The following SH2B1 variants were observed in gnomAD, a reference collection of about 807,000 sequenced individuals.
SH2B1 encodes the protein SH2B adapter protein 1.
SH2B1 carries 15 observed loss-of-function variants against 62.6 expected under a neutral mutation model. That is an observed-to-expected ratio of 0.24 (90% CI 0.16 to 0.37). The LOEUF (loss-of-function observed/expected upper bound fraction) is 0.37, where lower values mean the gene tolerates loss of function less well. SH2B1 is among the 10% of genes least tolerant of loss of function. The pLI is 1.00. For synonymous variants in SH2B1, 443 were observed against 438.0 expected, an observed-to-expected ratio of 1.01 and a Z score of -0.14; for missense variants, 925 against 1,015.6, an observed-to-expected ratio of 0.91 and a Z score of 1.21.
In SH2B1 at chr16:28,865,706, G is replaced by A. The variant is rs1316065552; in HGVS notation, c.-389G>A. On this transcript the variant is annotated 5_prime_UTR_variant, in exon 1 of 8. The change creates a new upstream start codon in the 5' untranslated region. Coordinates refer to ENST00000684370, the MANE Select transcript of SH2B1 (RefSeq NM_001387430.1). ...TTGGAGGATCCGATGTAGAGGGGGG[G>A]TGATCTGGAAAAGTTCCCTTTTTTA... is the stretch of plus-strand genomic sequence containing the variant. The A allele has an allele frequency of 6.9e-6, 7 of 1,019,074 alleles. No individual in the cohort carries two copies. Among genetic ancestry groups the A allele is most frequent in the African/African-American group, 1.7e-5 (1 of 58,396 alleles). The allele number at this position is 1,019,074 out of a possible 1,614,324, so 63.1% of individuals were successfully genotyped here.
At chr16:28,853,136 T>TTATATAAATATATATAAATGTA (rs1962241907) in intron 1 of SH2B1, among the ~76,000 whole-genome samples, 1 of 130,824 alleles carries the variant, frequency 7.6e-6, no homozygotes, top group Non-Finnish European at 1.6e-5. Flanking sequence ...ATGTATACAT[T>TTATATAAATATATATAAATGTA]TATATAAATA....
Position 28,872,193 on chromosome 16 carries a change from C to A in SH2B1, c.1517C>A (p.Ser506Tyr). The A allele has an allele frequency of 1.2e-6, 2 of 1,612,454 alleles. No homozygotes were observed. The highest frequency in any genetic ancestry group is 1.7e-6 in the Non-Finnish European group (2 of 1,179,144). ...CCTCCCTCTCTCCTTCCTGAAGGGT[C>A]CTTCCTGTTCCAGGGGGAGCCAGAG... ...PLDTPETATG[S>Y]FLFQGEPEGG... is the part of the protein sequence containing the mutation. The change falls in exon 6 of 8, where the codon TCC becomes TAC. Residue 506 changes from serine to tyrosine, a missense_variant. This residue lies in a region of SH2B1 where 683 missense variants were observed against 704.0 expected (regional missense o/e 0.97). Coordinates refer to ENST00000684370, the MANE Select transcript of SH2B1 (RefSeq NM_001387430.1). The surrounding 1 kb of genome is among the most constrained non-coding windows in gnomAD (Gnocchi z 5.3).
At chr16:28,850,388 G>A (rs1962067260) in intron 1 of SH2B1, among the ~76,000 whole-genome samples, 1 of 152,124 alleles carries the variant, frequency 6.6e-6, no homozygotes. Context: ...GTGAGACCTT[G>A]TCTCTACAAA....
intron 2 of SH2B1, 82 bp downstream of exon 2, chr16:28,867,514 G>C: frequency 9.9e-7 from 1 of 1,011,946 alleles, no homozygotes; most frequent in Non-Finnish European, 1.6e-6. Context: ...TGGCGTCGCC[G>C]AAAGGAGGTA....
chr16:28,863,689 A>T, upstream of SH2B1: 1 of 1,535,696 alleles, frequency 6.5e-7, no homozygotes, highest in Non-Finnish European at 8.7e-7. Flanking sequence ...GAAGGCACTG[A>T]AGCCCTACGA....
At position 28,863,970 on chromosome 16, in the gene SH2B1, TC is replaced by T; in HGVS notation, c.-2124del. On this transcript the variant is annotated 5_prime_UTR_variant, in exon 1 of 8. It removes the in-frame stop codon of an upstream open reading frame in the 5' UTR. Coordinates refer to ENST00000684370, the MANE Select transcript of SH2B1 (RefSeq NM_001387430.1). ...GGTGGGACCGGAACCGGAACCCCCC[TC>T]TTCAAGTACCTTTTCCCTCTCCGCG... The T allele has an allele frequency of 7.0e-7, 1 of 1,437,502 alleles. No homozygotes were observed. Among genetic ancestry groups the T allele is most frequent in the East Asian group, 2.5e-5 (1 of 39,452 alleles). 89.0% of individuals were successfully genotyped at this position (1,437,502 alleles called of 1,614,324 possible).
At chr16:28,867,200 C>G (rs1024066178) in intron 1 of SH2B1, 131 bp from the exon 2 acceptor site, 2 of 1,221,574 alleles carry the variant, frequency 1.6e-6, no homozygotes, top group Non-Finnish European at 2.4e-6. Flanking sequence ...GCGGGCAGGA[C>G]TGAGAAAGCA....
At chr16:28,852,250 A>G (rs1206332826) in intron 1 of SH2B1, among the ~76,000 whole-genome samples, 1 of 81,012 alleles carries the variant, frequency 1.2e-5, no homozygotes, top group Non-Finnish European at 2.1e-5. Flanking sequence ...ATATTTACAT[A>G]TATATATTTA....
At chr16:28,869,764 C>A (rs752503948) in intron 4 of SH2B1, among the ~76,000 whole-genome samples, 1 of 152,174 alleles carries the variant, frequency 6.6e-6, no homozygotes, top group African/African-American at 2.4e-5. Context: ...GGGGCAATCA[C>A]GTTTTCTCTT....
chr16:28,872,565 A>G lies in SH2B1; in HGVS notation c.1757A>G (p.Gln586Arg), dbSNP rs369648696. ...CGTTTGTCGCTGAACGAGGAGGGTC[A>G]GTGCCGGGTCCAGCACCTGTGGTTC... is the stretch of plus-strand genomic sequence containing the variant. ...HLRLSLNEEG[Q>R]CRVQHLWFQS... Residue 586 changes from glutamine to arginine, a missense_variant, in exon 7 of 8, where the codon CAG becomes CGG. By Grantham distance (43) the Gln-to-Arg change is conservative (BLOSUM62 1). Around this residue, in one of 3 missense-constraint regions of SH2B1, gnomAD observed 57 missense variants for 122.1 expected, o/e 0.47. Coordinates refer to ENST00000684370, the MANE Select transcript of SH2B1 (RefSeq NM_001387430.1). This position sits in a 1 kb window ranked among gnomAD's most constrained non-coding sequence, Gnocchi z 5.3. 9.9e-6 allele frequency: 16 copies of G among 1,613,300 alleles called. No individual in the cohort carries two copies. Among genetic ancestry groups the G allele is most frequent in the Non-Finnish European group, 1.4e-5 (16 of 1,179,400 alleles).
intron 1 of SH2B1, among the ~76,000 whole-genome samples, chr16:28,855,380 C>T (rs373800174): frequency 2.0e-5 from 3 of 151,102 alleles, no homozygotes; most frequent in African/African-American, 4.9e-5. Context: ...CCACCACACC[C>T]GACTAATTTT....
intron 1 of SH2B1, among the ~76,000 whole-genome samples, chr16:28,854,940 A>G (rs901928420): frequency 6.6e-6 from 1 of 151,976 alleles, no homozygotes; most frequent in Admixed American, 6.6e-5. Flanking sequence ...CAGTGGCACA[A>G]TCTCGGCTCA....
intron 1 of SH2B1, among the ~76,000 whole-genome samples, chr16:28,856,689 A>G (rs556159377): frequency 6.8e-6 from 1 of 148,030 alleles, no homozygotes; most frequent in Admixed American, 6.8e-5. Context: ...AGGAAGCTCA[A>G]GGGCATCCTT....
chr16:28,868,041 C>T (rs1448516074), intron 2 of SH2B1, among the ~76,000 whole-genome samples: 1 of 152,252 alleles, frequency 6.6e-6, no homozygotes, highest in African/African-American at 2.4e-5. Context: ...GTTCGGCAGG[C>T]TGGTCTCAAA....
In SH2B1 at chr16:28,852,317, C is replaced by CAT. The variant is rs1184311582; in HGVS notation, c.-301+5499_-301+5500dup. 6.5e-5 allele frequency among the ~76,000 whole-genome samples: 3 copies of CAT among 45,826 alleles called. 1 individual carries two copies. The highest frequency in any genetic ancestry group is 1.2e-4 in the Non-Finnish European group (3 of 24,762). 30.1% of individuals were successfully genotyped at this position (45,826 alleles called of 152,430 possible). On this transcript the variant is annotated intron_variant, in intron 1 of 10. Transcript: ENST00000322610. ...ATATATATTTACATATATATATTTA[C>CAT]ATATATATATTTACATATATATTTA... is the stretch of plus-strand genomic sequence containing the variant.
intron 1 of SH2B1, among the ~76,000 whole-genome samples, chr16:28,851,178 G>GAA (rs1199929955): frequency 7.6e-6 from 1 of 131,406 alleles, no homozygotes; most frequent in Non-Finnish European, 1.6e-5. Flanking sequence ...GTCTCAAAAA[G>GAA]AAAAAAAAAA....
intron 1 of SH2B1, among the ~76,000 whole-genome samples, chr16:28,852,770 T>TTACATATATATG (rs1567459169): frequency 5.0e-5 from 3 of 60,476 alleles, no homozygotes; most frequent in East Asian, 5.1e-4. Context: ...ATATATATAT[T>TTACATATATATG]TATATATATA....
At position 28,871,931 on chromosome 16, in the gene SH2B1, T is replaced by A; in HGVS notation, c.1461T>A (p.Val487=). The change falls in exon 5 of 8, where the codon GTT becomes GTA. Residue 487 remains valine, a synonymous_variant. Coordinates refer to ENST00000684370, the MANE Select transcript of SH2B1 (RefSeq NM_001387430.1). ...AAGAGGGACCCCCAACAGGGACAGTTCATCCCCTCTCAGCCCCCTACCCTC... is the reference window on the plus strand; with the variant it reads ...AAGAGGGACCCCCAACAGGGACAGTACATCCCCTCTCAGCCCCCTACCCTC... ...PIEEGPPTGT[V]HPLSAPYPPL... is the part of the protein sequence containing the mutation. 1 of 1,585,938 alleles carries A rather than the reference T, an allele frequency of 6.3e-7. No individual in the cohort carries two copies. Among genetic ancestry groups the A allele is most frequent in the Non-Finnish European group, 8.6e-7 (1 of 1,162,986 alleles).
upstream of SH2B1, among the ~76,000 whole-genome samples, chr16:28,859,724 G>A (rs982676028): frequency 6.6e-6 from 1 of 151,812 alleles, no homozygotes; most frequent in Non-Finnish European, 1.5e-5. Context: ...AAAAAAAAGA[G>A]AGAGAGAAAA....
Sources: allele counts gnomAD v4.1 joint callset (sites outside exome capture counted in the v4.1 genomes callset), GRCh38; gene constraint gnomAD v4.1.1; regional missense constraint gnomAD v4.1.1; non-coding constraint Gnocchi (gnomAD v3.1); transcripts MANE v1.5; gene names NCBI Gene and HGNC (gene_info 2026-07-23, HGNC 2026-07-21).